The following MED12L variants were observed in gnomAD, a reference collection of about 807,000 sequenced individuals.
MED12L encodes the protein mediator of RNA polymerase II transcription subunit 12-like protein.
A neutral mutation model predicts 281.3 loss-of-function variants in MED12L; 60 were observed. The ratio of observed to expected loss-of-function variants is 0.21; its 90% CI spans 0.17 to 0.26. The LOEUF (loss-of-function observed/expected upper bound fraction) is 0.26, where lower values mean the gene tolerates loss of function less well. Among genes scored for constraint, MED12L ranks in the 10% least tolerant of loss-of-function variants. MED12L has a pLI of 1.00. For missense variants in MED12L, 2,146 were observed against 2,680.9 expected, an observed-to-expected ratio of 0.80 and a Z score of 4.41; for synonymous variants, 974 against 987.2, an observed-to-expected ratio of 0.99 and a Z score of 0.25.
chr3:151,376,497 T>G (rs1279773137), intron 28 of MED12L, among the ~76,000 whole-genome samples: 1 of 152,194 alleles, frequency 6.6e-6, no homozygotes, highest in Non-Finnish European at 1.5e-5. Flanking sequence ...ATTAAAGAAA[T>G]ATTGAAATCA....
At chr3:151,116,277 A>G in intron 2 of MED12L, 61 bp from the exon 3 acceptor site, 2 of 1,155,730 alleles carry the variant, frequency 1.7e-6, no homozygotes, top group Non-Finnish European at 2.5e-6. Flanking sequence ...AGGATGCAAT[A>G]TGTGGGATTA....
intron 16 of MED12L, among the ~76,000 whole-genome samples, chr3:151,290,910 T>C (rs1413756109): frequency 6.6e-6 from 1 of 152,222 alleles, no homozygotes; most frequent in African/African-American, 2.4e-5. Context: ...TGCTGAATTC[T>C]GCATCTACTA....
intron 16 of MED12L, among the ~76,000 whole-genome samples, chr3:151,317,957 T>C (rs1748500750): frequency 6.6e-6 from 1 of 152,174 alleles, no homozygotes; most frequent in African/African-American, 2.4e-5. Context: ...AGGTATTACT[T>C]AGTGTTTACT....
At chr3:151,104,063 T>G (rs1229991077) in intron 2 of MED12L, among the ~76,000 whole-genome samples, 1 of 152,240 alleles carries the variant, frequency 6.6e-6, no homozygotes, top group Non-Finnish European at 1.5e-5. Context: ...ATTTGCTGTT[T>G]TGTGTTGAGC....
At position 151,294,063 on chromosome 3, in the gene MED12L, A is replaced by C. The variant is rs1744703850; in HGVS notation, c.2251-55996A>C. 1.8e-5 allele frequency: 13 copies of C among 741,346 alleles called. No individual in the cohort carries two copies. The Admixed American group carries it at 3.2e-4, about 18-fold the overall frequency. The allele number at this position is 741,346 out of a possible 1,614,324, so 45.9% of individuals were successfully genotyped here. ...TCAAATTATGACCCCATTTCATATC[A>C]TTTTAGTTCTTTGAATTCATATTTT... On this transcript the variant is annotated intron_variant, in intron 16 of 44. Coordinates refer to ENST00000687756, the MANE Select transcript of MED12L (RefSeq NM_001393769.1).
chr3:151,158,606 T>C (rs1719588794), intron 6 of MED12L, 83 bp from the exon 7 acceptor site: 2 of 814,088 alleles, frequency 2.5e-6, no homozygotes, highest in Admixed American at 4.5e-5. Context: ...GTAGTACAGT[T>C]AGACTTAAGC....
rs1037757440 is a variant in MED12L at position 151,433,546 on chromosome 3, C to G, written c.*742C>G. ...ACTCAAATTTGTTTTGAGGCAAGAT[C>G]ATTGATGAGAGTCATTGTGAAGGTA... On this transcript the variant is annotated 3_prime_UTR_variant, in exon 45 of 45. Coordinates refer to ENST00000687756, the MANE Select transcript of MED12L (RefSeq NM_001393769.1). 2 of 152,454 alleles carry G rather than the reference C, an allele frequency of 1.3e-5. No homozygotes were observed. Among genetic ancestry groups the G allele is most frequent in the African/African-American group, 4.8e-5 (2 of 41,428 alleles). The allele number at this position is 152,454 out of a possible 1,614,324, so 9.4% of individuals were successfully genotyped here. A position where few individuals can be genotyped will look rare whatever the true frequency, so the allele number is the denominator to read the frequency against.
chr3:151,219,902 C>G (rs1313446670), intron 16 of MED12L, among the ~76,000 whole-genome samples: 2 of 141,086 alleles, frequency 1.4e-5, no homozygotes, highest in Non-Finnish European at 3.1e-5. Flanking sequence ...CCCCCCCCCC[C>G]CCCTTGGATA....
chr3:151,086,938 C>T lies in MED12L; in HGVS notation c.12C>T (p.Phe4=), dbSNP rs1373366522. The stretch of plus-strand genomic sequence containing the variant: ...TAACATGAGAGATCATGGCCGCCTT[C>T]GGGCTTCTCAGCTATGAGCAGAGAC... MAA[F]GLLSYEQRPL... is the part of the protein sequence containing the mutation. The change falls in exon 2 of 45, where the codon TTC becomes TTT. Residue 4 remains phenylalanine (F), a synonymous_variant. Coordinates refer to ENST00000687756, the MANE Select transcript of MED12L (RefSeq NM_001393769.1). The T allele has an allele frequency of 1.9e-6, 3 of 1,600,220 alleles. No individual in the cohort carries two copies. The highest frequency in any genetic ancestry group is 2.7e-5 in the African/African-American group (2 of 74,590).
rs776033469 is a variant in MED12L, at chr3:151,411,372, A to G, written c.6005A>G (p.Tyr2002Cys). ...QAGSVVLSPS[Y>C]NSRAYPAAHS... Reference sequence around the variant, plus strand: ...GGCAGTGTGGTCCTGTCTCCCAGCTATAACTCCAGAGCCTATCCGGCCGCA... The same window carrying G: ...GGCAGTGTGGTCCTGTCTCCCAGCTGTAACTCCAGAGCCTATCCGGCCGCA... Residue 2002 changes from tyrosine to cysteine, a missense_variant, in exon 41 of 45, where the codon TAT (tyrosine) becomes TGT (cysteine). Coordinates refer to ENST00000687756, the MANE Select transcript of MED12L (RefSeq NM_001393769.1). The G allele has an allele frequency of 1.9e-6, 3 of 1,614,196 alleles. No individual in the cohort carries two copies. The highest frequency in any genetic ancestry group is 1.7e-5 in the Admixed American group (1 of 60,022).
At chr3:151,417,487 C>CCTTTT (rs1717736742) in intron 43 of MED12L, among the ~76,000 whole-genome samples, 10 of 78,824 alleles carry the variant, frequency 1.3e-4, no homozygotes, top group East Asian at 3.8e-4. Context: ...CCCCCCCCGC[C>CCTTTT]TTTTTTTTTT....
chr3:151,163,868 C>A, intron 8 of MED12L, 25 bp from the exon 9 acceptor site: 1 of 1,598,654 alleles, frequency 6.3e-7, no homozygotes, highest in Middle Eastern at 1.7e-4. Context: ...CTCTGAACAT[C>A]CAACTTTATC....
At chr3:151,258,098 G>A (rs1421291772) in intron 16 of MED12L, among the ~76,000 whole-genome samples, 2 of 152,170 alleles carry the variant, frequency 1.3e-5, no homozygotes, top group African/African-American at 4.8e-5. Flanking sequence ...GTGGGTCCCT[G>A]AGTTGCTCCA....
At chr3:151,247,762 A>T (rs1371747712) in intron 16 of MED12L, among the ~76,000 whole-genome samples, 7 of 14,422 alleles carry the variant, frequency 4.9e-4, no homozygotes, top group South Asian at 4.8e-3. Flanking sequence ...AATGTATAAT[A>T]AAAAAAAAAA....
intron 11 of MED12L, among the ~76,000 whole-genome samples, chr3:151,168,237 G>A (rs889219454): frequency 4.6e-5 from 7 of 152,182 alleles, no homozygotes; most frequent in East Asian, 1.9e-4. Flanking sequence ...GTGCAAGAAG[G>A]TTATTAGAAC....
intron 16 of MED12L, 109 bp downstream of exon 16, chr3:151,193,775 T>C (rs1469556334): frequency 5.1e-6 from 5 of 983,502 alleles, no homozygotes; most frequent in Non-Finnish European, 7.4e-6. Flanking sequence ...TGATAGCAGG[T>C]GAGTTTTTTG....
intron 43 of MED12L, among the ~76,000 whole-genome samples, chr3:151,417,877 A>G (rs1481283533): frequency 1.3e-5 from 2 of 152,156 alleles, no homozygotes; most frequent in East Asian, 3.9e-4. Flanking sequence ...TACTTCAGAA[A>G]ACCTTCTTAA....
chr3:151,261,776 G>A (rs1738955901), intron 16 of MED12L, among the ~76,000 whole-genome samples: 1 of 152,124 alleles, frequency 6.6e-6, no homozygotes, highest in African/African-American at 2.4e-5. Flanking sequence ...CCAGGCCACA[G>A]TGCAGTGGTA....
chr3:151,257,431 A>G (rs1051703023), intron 16 of MED12L, among the ~76,000 whole-genome samples: 8 of 152,222 alleles, frequency 5.3e-5, no homozygotes, highest in Admixed American at 1.3e-4. Flanking sequence ...TAGTTAGAAT[A>G]CCGGCTGAGT....
Sources: gnomAD v4.1 joint callset for allele counts (sites outside exome capture counted in the v4.1 genomes callset) on GRCh38, gnomAD v4.1.1 for gene constraint, MANE v1.5 for transcripts, NCBI Gene and HGNC (gene_info 2026-07-23, HGNC 2026-07-21) for gene names.